Variants in DYNC1I1 observed in about 807,000 individuals in gnomAD.
DYNC1I1 encodes cytoplasmic dynein 1 intermediate chain 1.
Under a neutral mutation model 86.6 loss-of-function variants are expected in DYNC1I1, and 43 were observed. The observed-to-expected ratio is 0.50, with a 90% CI of 0.39 to 0.64. The LOEUF (loss-of-function observed/expected upper bound fraction) is 0.64, where lower values mean the gene tolerates loss of function less well. DYNC1I1 is among the 30% of genes least tolerant of loss of function. The pLI is 0.00. For missense variants in DYNC1I1, 604 were observed against 788.8 expected, an observed-to-expected ratio of 0.77 and a Z score of 2.81; for synonymous variants, 262 against 283.7, an observed-to-expected ratio of 0.92 and a Z score of 0.77.
Position 95,933,794 on chromosome 7 carries a change from G to A in DYNC1I1, c.491-43718G>A, listed in dbSNP as rs935356110. ...CCTTTGAGACACCCGCCTTTCAGTC[G>A]CCCTTGTTATGCCACCCACAGCCTT... On this transcript the variant is annotated intron_variant, in intron 6 of 16. Transcript: ENST00000447467. Among the ~76,000 whole-genome samples, 4 of 151,964 alleles carry A rather than the reference G, an allele frequency of 2.6e-5. No homozygotes were observed. The South Asian group carries it at 6.2e-4, about 24-fold the overall frequency.
chr7:95,819,984 G>A (rs933617246), intron 4 of DYNC1I1, among the ~76,000 whole-genome samples: 1 of 152,074 alleles, frequency 6.6e-6, no homozygotes, highest in African/African-American at 2.4e-5. Flanking sequence ...TAAGATTTTG[G>A]GAAAACATGC....
chr7:95,886,380 G>T (rs1366749047), intron 6 of DYNC1I1, among the ~76,000 whole-genome samples: 1 of 152,092 alleles, frequency 6.6e-6, no homozygotes, highest in African/African-American at 2.4e-5. Context: ...GTTGCAGTGA[G>T]CCGAGATGGC....
chr7:95,862,036 A>T (rs903728781), intron 5 of DYNC1I1, among the ~76,000 whole-genome samples: 1 of 152,232 alleles, frequency 6.6e-6, no homozygotes, highest in African/African-American at 2.4e-5. Context: ...CACATTATAT[A>T]CAAAAATTAA....
In DYNC1I1 at chr7:95,945,047, A is replaced by G. The variant is rs1039480870; in HGVS notation, c.491-32465A>G. Among the ~76,000 whole-genome samples, 39 of 151,660 alleles carry G rather than the reference A, an allele frequency of 2.6e-4. 1 individual carries two copies. The highest frequency in any genetic ancestry group is 2.9e-5 in the Non-Finnish European group (2 of 67,892). On this transcript the variant is annotated intron_variant, in intron 6 of 16. Coordinates refer to ENST00000447467, the MANE Select transcript of DYNC1I1 (RefSeq NM_001135556.2). ...ATAATAATGAAATAAAATAAAATAA[A>G]CATAAAAATAAAAAAATAATAAAAA...
intron 10 of DYNC1I1, among the ~76,000 whole-genome samples, chr7:96,021,357 GA>G (rs1329534036): frequency 1.3e-5 from 2 of 152,038 alleles, no homozygotes; most frequent in Non-Finnish European, 2.9e-5. Context: ...TCAGGAAGTA[GA>G]AATTGAAGAT....
chr7:95,982,696 A>G (rs1381076260), intron 7 of DYNC1I1, among the ~76,000 whole-genome samples: 1 of 152,194 alleles, frequency 6.6e-6, no homozygotes, highest in African/African-American at 2.4e-5. Flanking sequence ...ATCTATTAAC[A>G]GTGACCAAGG....
chr7:95,803,252 T>A lies in DYNC1I1; in HGVS notation c.-9-1469T>A, dbSNP rs1197870542. ...GCACTGAGTGATCAATAAGCCAAGA[T>A]CTCAGAGAACATCTCCATCCACACT... On this transcript the variant is annotated intron_variant, in intron 1 of 16. Transcript: ENST00000447467. Among the ~76,000 whole-genome samples, 5 of 152,322 alleles carry A rather than the reference T, an allele frequency of 3.3e-5. No individual in the cohort carries two copies. In the East Asian group the frequency reaches 9.6e-4, roughly 29 times the overall value.
chr7:96,023,587 TGAGTGCAGG>T (rs1349039717), intron 10 of DYNC1I1, among the ~76,000 whole-genome samples: 7 of 152,182 alleles, frequency 4.6e-5, no homozygotes, highest in African/African-American at 1.7e-4. Context: ...TGGTGTGCGG[TGAGTGCAGG>T]GAGACATTCC....
chr7:95,789,159 T>C (rs1794224726), intron 1 of DYNC1I1, among the ~76,000 whole-genome samples: 1 of 152,236 alleles, frequency 6.6e-6, no homozygotes, highest in Admixed American at 6.5e-5. Flanking sequence ...TGCTGCTTCA[T>C]ACCACTGAGT....
chr7:95,841,171 A>C (rs1052163445), intron 5 of DYNC1I1, among the ~76,000 whole-genome samples: 1 of 152,176 alleles, frequency 6.6e-6, no homozygotes, highest in Non-Finnish European at 1.5e-5. Flanking sequence ...CGACTAGAAA[A>C]TTTAAAGGTC....
At chr7:95,781,739 C>T in intron 1 of DYNC1I1, among the ~76,000 whole-genome samples, 1 of 152,122 alleles carries the variant, frequency 6.6e-6, no homozygotes, top group Admixed American at 6.5e-5. Flanking sequence ...TTGCTTTAAC[C>T]AGGGCACATG....
At chr7:96,043,065 A>C (rs973314112) in intron 14 of DYNC1I1, among the ~76,000 whole-genome samples, 2 of 151,370 alleles carry the variant, frequency 1.3e-5, no homozygotes, top group African/African-American at 4.9e-5. Context: ...GAGGCTCGGG[A>C]GGCTGAGTCA....
chr7:95,998,556 T>C (rs1244960205), intron 10 of DYNC1I1, among the ~76,000 whole-genome samples: 1 of 152,226 alleles, frequency 6.6e-6, no homozygotes, highest in Non-Finnish European at 1.5e-5. Flanking sequence ...AACTGGTCAT[T>C]TCTAGACACT....
At chr7:95,913,528 G>A (rs1185917222) in intron 6 of DYNC1I1, among the ~76,000 whole-genome samples, 3 of 152,126 alleles carry the variant, frequency 2.0e-5, no homozygotes, top group Admixed American at 1.3e-4. Flanking sequence ...TTTTATAAAG[G>A]GCAGTTCCCC....
intron 14 of DYNC1I1, among the ~76,000 whole-genome samples, chr7:96,064,240 CTCTCTCT>C: frequency 6.6e-6 from 1 of 151,168 alleles, no homozygotes; most frequent in African/African-American, 2.4e-5. Flanking sequence ...CTCTCTCTCT[CTCTCTCT>C]CCCTCTCTCA....
chr7:96,053,650 A>G (rs1789472351), intron 14 of DYNC1I1, among the ~76,000 whole-genome samples: 1 of 152,230 alleles, frequency 6.6e-6, no homozygotes, highest in Non-Finnish European at 1.5e-5. Flanking sequence ...ATCTCAGGAA[A>G]GTATGTGTAG....
chr7:96,110,146 G>A, downstream of DYNC1I1: 1 of 412,734 alleles, frequency 2.4e-6, no homozygotes, highest in South Asian at 1.7e-5. Context: ...AAGTATAATT[G>A]TGGATATCTT....
intron 6 of DYNC1I1, among the ~76,000 whole-genome samples, chr7:95,962,585 A>G (rs1011899963): frequency 1.8e-5 from 1 of 56,874 alleles, no homozygotes; most frequent in African/African-American, 8.7e-5. Flanking sequence ...CTAACACGTT[A>G]TAGCCTTTTA....
chr7:95,832,430 C>T (rs374398779), intron 5 of DYNC1I1, among the ~76,000 whole-genome samples: 6 of 151,830 alleles, frequency 4.0e-5, no homozygotes, highest in East Asian at 3.9e-4. Context: ...AATAAACATA[C>T]GTGTGCATGT....
Sources: gnomAD v4.1 joint callset for allele counts (sites outside exome capture counted in the v4.1 genomes callset) on GRCh38, gnomAD v4.1.1 for gene constraint, MANE v1.5 for transcripts, NCBI Gene and HGNC (gene_info 2026-07-23, HGNC 2026-07-21) for gene names.